Variants in MYZAP observed in about 807,000 individuals in gnomAD.
The protein encoded by MYZAP is GRINL1A complex locus upstream.
MYZAP carries 66 observed loss-of-function variants against 69.4 expected under a neutral mutation model. That is an observed-to-expected ratio of 0.95 (90% CI 0.78 to 1.17). The LOEUF (loss-of-function observed/expected upper bound fraction) is 1.17, where lower values mean the gene tolerates loss of function less well. Ranked by LOEUF, MYZAP falls within the 50% of genes most tolerant of loss-of-function variation. The pLI is 0.00. For missense variants in MYZAP, 611 were observed against 556.2 expected (o/e 1.10, Z -0.99); for synonymous variants, 256 against 205.9 (o/e 1.24, Z -2.09).
intron 5 of MYZAP, among the ~76,000 whole-genome samples, chr15:57,627,331 T>G (rs1471055844): frequency 7.7e-6 from 1 of 129,824 alleles, no homozygotes; most frequent in Non-Finnish European, 1.5e-5. Flanking sequence ...GCCTTATAGC[T>G]AAAACCGCTG....
intron 12 of MYZAP, among the ~76,000 whole-genome samples, chr15:57,683,440 G>C (rs1209625513): frequency 6.6e-5 from 10 of 152,146 alleles, no homozygotes; most frequent in African/African-American, 2.4e-4. Context: ...TCCTAACACA[G>C]TACATGAAAA....
chr15:57,675,432 A>C (rs1231455350), intron 12 of MYZAP, among the ~76,000 whole-genome samples: 2 of 152,182 alleles, frequency 1.3e-5, no homozygotes, highest in Non-Finnish European at 2.9e-5. Flanking sequence ...GCCCCAGAGT[A>C]CAGTCTGGAG....
intron 10 of MYZAP, among the ~76,000 whole-genome samples, chr15:57,644,731 GT>G (rs2037352923): frequency 6.6e-6 from 1 of 152,200 alleles, no homozygotes; most frequent in South Asian, 2.1e-4. Flanking sequence ...CTCTCAGAGT[GT>G]TGGGATTACA....
chr15:57,623,674 A>G (rs1242638426), intron 4 of MYZAP, among the ~76,000 whole-genome samples: 2 of 151,884 alleles, frequency 1.3e-5, no homozygotes, highest in Non-Finnish European at 2.9e-5. Context: ...TGGAGGTTGC[A>G]GTGAGCCAAG....
At chr15:57,658,780 T>A (rs2038133659) in intron 10 of MYZAP, among the ~76,000 whole-genome samples, 1 of 152,144 alleles carries the variant, frequency 6.6e-6, no homozygotes, top group Admixed American at 6.5e-5. Flanking sequence ...ACCCAAAACA[T>A]GATTGAATGT....
At chr15:57,599,665 C>T in intron 1 of MYZAP, 2 of 1,289,176 alleles carry the variant, frequency 1.6e-6, no homozygotes, top group Non-Finnish European at 2.0e-6. Context: ...ATCCGAGTTT[C>T]AGGAGACCAT....
intron 8 of MYZAP, among the ~76,000 whole-genome samples, chr15:57,636,950 C>T (rs1437334145): frequency 1.3e-5 from 2 of 152,172 alleles, no homozygotes; most frequent in Non-Finnish European, 2.9e-5. Flanking sequence ...CTTTTGGAAG[C>T]TCTAGAAGGG....
intron 12 of MYZAP, among the ~76,000 whole-genome samples, chr15:57,679,498 T>G (rs2039323745): frequency 6.6e-6 from 1 of 152,018 alleles, no homozygotes; most frequent in African/African-American, 2.4e-5. Flanking sequence ...TGGCACATAC[T>G]AGGCACTCAA....
intron 1 of MYZAP, among the ~76,000 whole-genome samples, chr15:57,594,850 G>A (rs1166086427): frequency 1.3e-5 from 2 of 152,322 alleles, no homozygotes; most frequent in South Asian, 2.1e-4. Flanking sequence ...ATAATCATTG[G>A]AAGTGTACCT....
chr15:57,615,912 T>C lies in MYZAP; in HGVS notation c.163-2121T>C, dbSNP rs193141818. ...TGGGAAGAAGGGCAAGAAGCAATGGTTGTAGTATTTTCTTACTTTTTAAAA... is the reference window on the plus strand; with the variant it reads ...TGGGAAGAAGGGCAAGAAGCAATGGCTGTAGTATTTTCTTACTTTTTAAAA... On this transcript the variant is annotated intron_variant, in intron 2 of 12. Coordinates refer to ENST00000267853, the MANE Select transcript of MYZAP (RefSeq NM_001018100.5). 2.9e-3 allele frequency among the ~76,000 whole-genome samples: 439 copies of C among 152,146 alleles called. 2 individuals are homozygous for C. The highest frequency in any genetic ancestry group is 0.01 in the African/African-American group (425 of 41,474).
Position 57,593,188 on chromosome 15 carries a change from G to GCATGCGCGCGCGCGCGCACACACACACA in MYZAP, c.75+1081_75+1082insTGCGCGCGCGCGCGCACACACACACACA. On this transcript the variant is annotated intron_variant, in intron 1 of 12. Coordinates refer to ENST00000267853, the MANE Select transcript of MYZAP (RefSeq NM_001018100.5). ...AGACACTTAGGTTGTGTACACAGGC[G>GCATGCGCGCGCGCGCGCACACACACACA]CACACACACACACACACACACACAC... Among the ~76,000 whole-genome samples, 396 of 114,200 alleles carry GCATGCGCGCGCGCGCGCACACACACACA rather than the reference G, an allele frequency of 3.5e-3. 11 individuals are homozygous for GCATGCGCGCGCGCGCGCACACACACACA. The highest frequency in any genetic ancestry group is 6.4e-3 in the African/African-American group (191 of 29,734). The allele number at this position is 114,200 out of a possible 152,430, so 74.9% of individuals were successfully genotyped here. A position where few individuals can be genotyped will look rare whatever the true frequency, so the allele number is the denominator to read the frequency against.
intron 10 of MYZAP, among the ~76,000 whole-genome samples, chr15:57,654,263 A>G (rs1276756612): frequency 6.6e-6 from 1 of 151,968 alleles, no homozygotes; most frequent in East Asian, 1.9e-4. Context: ...TTAGTGTGAC[A>G]TCTTCTGTTA....
intron 11 of MYZAP, among the ~76,000 whole-genome samples, chr15:57,671,410 T>C (rs1310123098): frequency 6.6e-6 from 1 of 152,178 alleles, no homozygotes; most frequent in Non-Finnish European, 1.5e-5. Flanking sequence ...CTTCTTGAAT[T>C]TGTAAATTTA....
chr15:57,638,912 A>G (rs1475488629), intron 9 of MYZAP, among the ~76,000 whole-genome samples: 2 of 152,282 alleles, frequency 1.3e-5, no homozygotes, highest in South Asian at 2.1e-4. Context: ...TAACCCCAAA[A>G]CAGAGAGCTT....
chr15:57,668,892 ATATTT>A (rs1182546144), intron 11 of MYZAP, among the ~76,000 whole-genome samples: 19 of 58,746 alleles, frequency 3.2e-4, no homozygotes, highest in African/African-American at 7.0e-4. Context: ...ATATATATAT[ATATTT>A]TTTTTTTTTT....
chr15:57,662,763 G>C (rs982674741), intron 11 of MYZAP, among the ~76,000 whole-genome samples: 3 of 152,136 alleles, frequency 2.0e-5, no homozygotes, highest in Admixed American at 6.5e-5. Flanking sequence ...CAGTAGAGAT[G>C]GGTAAGCCTG....
In MYZAP at chr15:57,604,710, C is replaced by T. The variant is rs567084064; in HGVS notation, c.162+355C>T. Among the ~76,000 whole-genome samples, 15 of 152,272 alleles carry T rather than the reference C, an allele frequency of 9.9e-5. 1 individual carries two copies. The East Asian group carries it at 2.3e-3, about 24-fold the overall frequency. ...CAAAGGGCCTATTGTGAGCAGCTGG[C>T]GGGGCTGGAACCTTTCTCAGCAGCT... is the stretch of plus-strand genomic sequence containing the variant. On this transcript the variant is annotated intron_variant, in intron 2 of 12. Transcript: ENST00000267853.
At chr15:57,671,117 A>G (rs544661225) in intron 11 of MYZAP, among the ~76,000 whole-genome samples, 1 of 152,264 alleles carries the variant, frequency 6.6e-6, no homozygotes, top group Admixed American at 6.5e-5. Flanking sequence ...TGTGTAGTGC[A>G]GGCCAGGTGG....
At chr15:57,647,915 G>A (rs1290770588) in intron 10 of MYZAP, 3 of 985,188 alleles carry the variant, frequency 3.0e-6, no homozygotes, top group Non-Finnish European at 3.6e-6. Flanking sequence ...TGAAACCTGA[G>A]TCATGTGCTG....
Sources: allele counts gnomAD v4.1 joint callset (sites outside exome capture counted in the v4.1 genomes callset), GRCh38; gene constraint gnomAD v4.1.1; transcripts MANE v1.5; gene names NCBI Gene and HGNC (gene_info 2026-07-23, HGNC 2026-07-21).